The following C13orf42 variants were observed in gnomAD, a reference collection of about 807,000 sequenced individuals.
C13orf42 encodes chromosome 13 open reading frame 42.
chr13:51,136,530 G>GC (rs1203068978), intron 1 of C13orf42, among the ~76,000 whole-genome samples: 3 of 152,340 alleles, frequency 2.0e-5, no homozygotes, highest in Non-Finnish European at 4.4e-5. Flanking sequence ...CTAAAGTGCA[G>GC]CCCCCATGGG....
intron 1 of C13orf42, among the ~76,000 whole-genome samples, chr13:51,127,388 AT>A (rs1953585280): frequency 6.6e-6 from 1 of 152,178 alleles, no homozygotes; most frequent in Non-Finnish European, 1.5e-5. Context: ...TCACAGAAAG[AT>A]TGTGTAACTT....
At chr13:51,090,406 G>A (rs1056959784) in intron 1 of C13orf42, among the ~76,000 whole-genome samples, 2 of 152,120 alleles carry the variant, frequency 1.3e-5, no homozygotes, top group Admixed American at 6.5e-5. Flanking sequence ...GAGAAACAAA[G>A]AATGGACAAA....
intron 2 of C13orf42, among the ~76,000 whole-genome samples, chr13:51,085,899 A>C (rs928653879): frequency 1.3e-5 from 2 of 152,132 alleles, no homozygotes; most frequent in Non-Finnish European, 2.9e-5. Flanking sequence ...AAATACAAAA[A>C]TTAGCCGGGC....
At chr13:51,101,755 A>G (rs543362954) in intron 1 of C13orf42, among the ~76,000 whole-genome samples, 1 of 152,238 alleles carries the variant, frequency 6.6e-6, no homozygotes, top group East Asian at 1.9e-4. Context: ...AGACAATTAC[A>G]GTGTGCTGAG....
chr13:51,139,857 G>A (rs1953683897), intron 1 of C13orf42, among the ~76,000 whole-genome samples: 1 of 152,172 alleles, frequency 6.6e-6, no homozygotes, highest in South Asian at 2.1e-4. Context: ...CTATGGACTA[G>A]CCATTTTGTT....
chr13:51,150,882 C>T (rs1424907353), intron 1 of C13orf42, among the ~76,000 whole-genome samples: 1 of 152,218 alleles, frequency 6.6e-6, no homozygotes, highest in Non-Finnish European at 1.5e-5. Context: ...CCAATGTCTT[C>T]TGAGATGCCA....
rs186489835 is a variant in C13orf42, at chr13:51,170,324, C to T, written n.136+1929G>A. Among the ~76,000 whole-genome samples, 144 of 152,308 alleles carry T rather than the reference C, an allele frequency of 9.5e-4. No individual in the cohort carries two copies. In the Middle Eastern group the frequency reaches 0.014, roughly 14 times the overall value. On this transcript the variant is annotated intron_variant and non_coding_transcript_variant, in intron 1 of 4. Transcript: ENST00000433280. ...ACACGGACGCGCATGAAGTTTGGTG[C>T]CATGACTCGGATCGGGGGACCTCCC...
intron 1 of C13orf42, among the ~76,000 whole-genome samples, chr13:51,159,487 G>A (rs190461739): frequency 6.6e-6 from 1 of 152,276 alleles, no homozygotes; most frequent in East Asian, 1.9e-4. Flanking sequence ...TCCATTTCAG[G>A]AAAACATAGA....
rs1056546061 is a variant in C13orf42 at position 51,111,022 on chromosome 13, T to G, written c.188A>C (p.Asp63Ala). Residue 63 changes from aspartate to alanine, a missense_variant, in exon 1 of 4, where the codon GAC (aspartate) becomes GCC (alanine). Physicochemically the swap from Asp to Ala is moderately radical, Grantham distance 126 (BLOSUM62 -2). Coordinates refer to ENST00000563710, the MANE Select transcript of C13orf42 (RefSeq NM_001351589.3). ...LKKYKSTSSM[D>A]TSLYYLRQEE... ...CTGCCGCAGGTAGTACAGGCTGGTGTCCATGCTACTGGTGCTTTTGTACTT... is the reference window on the plus strand; with the variant it reads ...CTGCCGCAGGTAGTACAGGCTGGTGGCCATGCTACTGGTGCTTTTGTACTT... The G allele has an allele frequency of 5.0e-6, 2 of 398,584 alleles. No homozygotes were observed. The highest frequency in any genetic ancestry group is 4.1e-5 in the African/African-American group (2 of 48,624). 24.7% of individuals were successfully genotyped at this position (398,584 alleles called of 1,614,324 possible).
chr13:51,103,624 C>T (rs1417584221), intron 1 of C13orf42, among the ~76,000 whole-genome samples: 1 of 152,044 alleles, frequency 6.6e-6, no homozygotes, highest in Admixed American at 6.6e-5. Context: ...TCACTTGAAC[C>T]CGGGAGGCAG....
chr13:51,119,760 T>C (rs1953518830), intron 1 of C13orf42, among the ~76,000 whole-genome samples: 1 of 151,690 alleles, frequency 6.6e-6, no homozygotes, highest in African/African-American at 2.4e-5. Flanking sequence ...GAGGAGAAAA[T>C]GGGAAGTTAG....
At chr13:51,160,661 T>G (rs1038225418) in intron 1 of C13orf42, among the ~76,000 whole-genome samples, 1 of 152,182 alleles carries the variant, frequency 6.6e-6, no homozygotes, top group Non-Finnish European at 1.5e-5. Flanking sequence ...AGACAATTTC[T>G]CAGTGGTACG....
intron 1 of C13orf42, among the ~76,000 whole-genome samples, chr13:51,132,747 C>T (rs1190668603): frequency 2.0e-5 from 3 of 152,086 alleles, no homozygotes; most frequent in Non-Finnish European, 2.9e-5. Context: ...TGAATAGGGG[C>T]TGGGTAAAAT....
chr13:51,094,405 C>T (rs570504761), intron 1 of C13orf42, among the ~76,000 whole-genome samples: 7 of 152,162 alleles, frequency 4.6e-5, no homozygotes, highest in Admixed American at 6.5e-5. Flanking sequence ...GGTGTGTTCA[C>T]GGTTCCTCTT....
At chr13:51,089,479 G>A (rs1953161426) in intron 1 of C13orf42, among the ~76,000 whole-genome samples, 1 of 152,010 alleles carries the variant, frequency 6.6e-6, no homozygotes, top group African/African-American at 2.4e-5. Context: ...TAGTGAGTGA[G>A]TTCTCATGAG....
upstream of C13orf42, among the ~76,000 whole-genome samples, chr13:51,115,016 A>G (rs2138008728): frequency 6.6e-6 from 1 of 152,354 alleles, no homozygotes; most frequent in South Asian, 2.1e-4. Flanking sequence ...TACAATTAAA[A>G]AACAACAAAA....
Position 51,135,586 on chromosome 13 carries a change from G to A in C13orf42, n.137-22364C>T, listed in dbSNP as rs533243828. The stretch of plus-strand genomic sequence containing the variant: ...GAAGATTGCTTGAGCCCAGGAATCC[G>A]AGGCTGCAATGAGCTATGATCACAC... On this transcript the variant is annotated intron_variant and non_coding_transcript_variant, in intron 1 of 4. Transcript: ENST00000433280. Among the ~76,000 whole-genome samples, 120 of 151,616 alleles carry A rather than the reference G, an allele frequency of 7.9e-4. 2 individuals are homozygous for A. The highest frequency in any genetic ancestry group is 4.6e-3 in the South Asian group (22 of 4,794).
exon 1 of C13orf42, chr13:51,172,257 C>T (rs1339272996): frequency 6.6e-6 from 1 of 152,152 alleles, no homozygotes; most frequent in African/African-American, 2.4e-5. Flanking sequence ...ACTCACCTGG[C>T]AGCCACTCCC....
chr13:51,121,908 A>G (rs1478990560), intron 1 of C13orf42, among the ~76,000 whole-genome samples: 1 of 152,232 alleles, frequency 6.6e-6, no homozygotes, highest in East Asian at 1.9e-4. Context: ...GTTACTAAAA[A>G]TGATGTCTTA....
Sources: allele counts gnomAD v4.1 joint callset (sites outside exome capture counted in the v4.1 genomes callset), GRCh38; gene constraint gnomAD v4.1.1; transcripts MANE v1.5; gene names NCBI Gene and HGNC (gene_info 2026-07-23, HGNC 2026-07-21).